The following MNAT1 variants were observed in gnomAD, a reference collection of about 807,000 sequenced individuals.
MNAT1 encodes MNAT1 component of CDK activating kinase, also known as CDK-activating kinase assembly factor MAT1.
Under a neutral mutation model 42.0 loss-of-function variants are expected in MNAT1, and 43 were observed. That is an observed-to-expected ratio of 1.02 (90% CI 0.80 to 1.32). The LOEUF (loss-of-function observed/expected upper bound fraction) is 1.32. Among genes scored for constraint, MNAT1 ranks in the 40% most tolerant of loss-of-function variants. The pLI is 0.00. For synonymous variants in MNAT1, 118 were observed against 120.0 expected (o/e 0.98, Z 0.11); for missense variants, 306 against 350.4 (o/e 0.87, Z 1.01).
chr14:60,866,797 T>C lies in MNAT1; in HGVS notation c.688-12917T>C, dbSNP rs141815177. On this transcript the variant is annotated intron_variant, in intron 6 of 7. Transcript: ENST00000261245. ...AGGATCTTTAATGATACTAACCTTT[T>C]ACTAGTGATCTTTTAATGGAAGATA... 5.9e-5 allele frequency among the ~76,000 whole-genome samples: 9 copies of C among 152,236 alleles called. No individual in the cohort carries two copies. In the East Asian group the frequency reaches 1.7e-3, roughly 29 times the overall value.
chr14:60,958,296 A>G (rs1466167837), intron 7 of MNAT1, among the ~76,000 whole-genome samples: 1 of 152,154 alleles, frequency 6.6e-6, no homozygotes. Flanking sequence ...TGCTGCATAA[A>G]GTATTTTTGG....
At chr14:60,830,751 A>G (rs1331966636) in intron 6 of MNAT1, among the ~76,000 whole-genome samples, 2 of 149,106 alleles carry the variant, frequency 1.3e-5, no homozygotes, top group African/African-American at 4.9e-5. Flanking sequence ...TATAATTCCT[A>G]TACAATTTTT....
At chr14:60,959,727 G>A (rs1419338012) in intron 7 of MNAT1, among the ~76,000 whole-genome samples, 1 of 152,164 alleles carries the variant, frequency 6.6e-6, no homozygotes, top group South Asian at 2.1e-4. Context: ...CCATTCATGG[G>A]TAGCGTCCAA....
At chr14:60,782,986 A>G (rs1257256951) in intron 1 of MNAT1, among the ~76,000 whole-genome samples, 1 of 152,228 alleles carries the variant, frequency 6.6e-6, no homozygotes, top group African/African-American at 2.4e-5. Context: ...ATACTTCTTT[A>G]TAGTATGGCT....
At chr14:60,955,143 A>C (rs193147923) in intron 7 of MNAT1, among the ~76,000 whole-genome samples, 3 of 152,184 alleles carry the variant, frequency 2.0e-5, no homozygotes, top group Admixed American at 2.0e-4. Flanking sequence ...ATCTGTGTTC[A>C]TTATAGATAT....
intron 7 of MNAT1, among the ~76,000 whole-genome samples, chr14:60,912,844 C>G (rs1327345489): frequency 6.6e-6 from 1 of 152,122 alleles, no homozygotes; most frequent in Admixed American, 6.5e-5. Flanking sequence ...GTGGCGTTCT[C>G]TGTATTTCCT....
intron 7 of MNAT1, among the ~76,000 whole-genome samples, chr14:60,922,457 A>AT (rs1404358407): frequency 6.6e-6 from 1 of 152,134 alleles, no homozygotes; most frequent in Non-Finnish European, 1.5e-5. Context: ...GAAATCTGAA[A>AT]TTGATTTGGA....
intron 6 of MNAT1, among the ~76,000 whole-genome samples, chr14:60,834,979 A>G (rs201428746): frequency 3.7e-5 from 1 of 27,268 alleles, no homozygotes. Flanking sequence ...CTTCCTTCCT[A>G]CCTTGCTCCC....
At chr14:60,772,994 C>T (rs772213052) in intron 1 of MNAT1, among the ~76,000 whole-genome samples, 10 of 150,906 alleles carry the variant, frequency 6.6e-5, no homozygotes, top group African/African-American at 9.8e-5. Context: ...AGTGCAGTGG[C>T]GTGATCTCGG....
At chr14:60,739,982 C>A (rs4151159) in intron 1 of MNAT1, among the ~76,000 whole-genome samples, 1 of 152,076 alleles carries the variant, frequency 6.6e-6, no homozygotes, top group Non-Finnish European at 1.5e-5. Context: ...AGTGAAACCC[C>A]GTCTCTACTA....
intron 7 of MNAT1, among the ~76,000 whole-genome samples, chr14:60,947,795 G>C (rs2036309556): frequency 6.6e-6 from 1 of 152,180 alleles, no homozygotes; most frequent in African/African-American, 2.4e-5. Flanking sequence ...TGTCTGACCA[G>C]TACTTCACTC....
At chr14:60,911,110 G>A (rs1294665309) in intron 7 of MNAT1, among the ~76,000 whole-genome samples, 2 of 152,146 alleles carry the variant, frequency 1.3e-5, no homozygotes, top group Non-Finnish European at 2.9e-5. Flanking sequence ...GTTTATTTGT[G>A]TAGAGGTGTT....
chr14:60,784,752 C>T (rs981516088), intron 1 of MNAT1, among the ~76,000 whole-genome samples: 2 of 152,094 alleles, frequency 1.3e-5, no homozygotes, highest in African/African-American at 4.8e-5. Flanking sequence ...CATGAGCCAC[C>T]GTGCCAGGCA....
chr14:60,833,292 C>T (rs1453910113), intron 6 of MNAT1, among the ~76,000 whole-genome samples: 19 of 152,122 alleles, frequency 1.2e-4, no homozygotes, highest in Admixed American at 1.2e-3. Flanking sequence ...TTTGCCCATT[C>T]CGTATGATAT....
chr14:60,913,900 TTGTC>T (rs2035449174), intron 7 of MNAT1, among the ~76,000 whole-genome samples: 1 of 152,178 alleles, frequency 6.6e-6, no homozygotes, highest in African/African-American at 2.4e-5. Flanking sequence ...GCTCTTTTGT[TTGTC>T]TGTGCCCTGC....
rs984013266 is a variant in MNAT1 at position 60,834,884 on chromosome 14, C to A, written c.687+16037C>A. Among the ~76,000 whole-genome samples, 4 of 151,732 alleles carry A rather than the reference C, an allele frequency of 2.6e-5. No individual in the cohort carries two copies. In the East Asian group the frequency reaches 7.8e-4, roughly 29 times the overall value. ...GTGCATATATATTTAGGATAGTTAG[C>A]TCTTCTTGTTGCATTGATCCCTTTA... On this transcript the variant is annotated intron_variant, in intron 6 of 7. Coordinates refer to ENST00000261245, the MANE Select transcript of MNAT1 (RefSeq NM_002431.4).
chr14:60,922,040 C>T (rs1289388337), intron 7 of MNAT1, among the ~76,000 whole-genome samples: 1 of 152,042 alleles, frequency 6.6e-6, no homozygotes, highest in Non-Finnish European at 1.5e-5. Flanking sequence ...AGTAGAAACA[C>T]CAGTTAAATC....
chr14:60,899,052 T>C (rs4151322), intron 7 of MNAT1, among the ~76,000 whole-genome samples: 13 of 152,232 alleles, frequency 8.5e-5, no homozygotes, highest in African/African-American at 2.9e-4. Context: ...TCATTGTTGA[T>C]TATTAATTGG....
intron 7 of MNAT1, among the ~76,000 whole-genome samples, chr14:60,910,379 G>C (rs921924362): frequency 2.6e-5 from 4 of 152,164 alleles, no homozygotes; most frequent in Non-Finnish European, 4.4e-5. Context: ...GGAGTGGTGA[G>C]AGAGGGCATC....
Sources: allele counts gnomAD v4.1 joint callset (sites outside exome capture counted in the v4.1 genomes callset), GRCh38; gene constraint gnomAD v4.1.1; transcripts MANE v1.5; gene names NCBI Gene and HGNC (gene_info 2026-07-23, HGNC 2026-07-21).